ZC3H12B: variants seen among roughly 807,000 people sequenced by gnomAD.
ZC3H12B encodes the protein probable ribonuclease ZC3H12B.
A neutral mutation model predicts 43.9 loss-of-function variants in ZC3H12B; 7 were observed. The ratio of observed to expected loss-of-function variants is 0.16; its 90% CI spans 0.09 to 0.30. ZC3H12B has a LOEUF of 0.30. Among genes scored for constraint, ZC3H12B ranks in the 10% least tolerant of loss-of-function variants. The probability of loss-of-function intolerance (pLI) is 1.00; values close to 1 mark genes in which losing one functional copy is unlikely to be tolerated. For synonymous variants in ZC3H12B, 222 were observed against 241.7 expected (o/e 0.92, Z 0.76); for missense variants, 475 against 670.2 (o/e 0.71, Z 3.22).
chrX:65,098,434 A>T, the ZC3H12B span, among the ~76,000 whole-genome samples: 1 of 111,184 alleles, frequency 9.0e-6, no homozygotes. Flanking sequence ...AATTCCAAAG[A>T]ATACAAGAAC....
the ZC3H12B span, among the ~76,000 whole-genome samples, chrX:65,283,515 G>A: frequency 9.0e-6 from 1 of 111,470 alleles, no homozygotes; most frequent in Non-Finnish European, 1.9e-5. Context: ...AATAAATTAG[G>A]AAAAGAGGAA....
At chrX:65,315,556 C>T in the ZC3H12B span, among the ~76,000 whole-genome samples, 2 of 111,474 alleles carry the variant, frequency 1.8e-5, no homozygotes, top group African/African-American at 3.3e-5. Flanking sequence ...TGAGCTGAGC[C>T]TAGGCCCCGT....
chrX:65,213,511 G>A, the ZC3H12B span, among the ~76,000 whole-genome samples: 2 of 110,771 alleles, frequency 1.8e-5, no homozygotes, highest in Non-Finnish European at 3.8e-5. Context: ...AAATATTTGC[G>A]CTATACATGG....
rs994560374 is a variant in ZC3H12B, at chrX:65,448,623, C to G, written n.408-40023C>G. ...CCTGAGGTCAGGATTTTAAGCCCAG[C>G]CTGGCCAACATGGTGAAACCCCATC... On this transcript the variant is annotated intron_variant and non_coding_transcript_variant, in intron 3 of 5. Coordinates refer to the ZC3H12B transcript ENST00000617377. Among the ~76,000 whole-genome samples, 7 of 110,724 alleles carry G rather than the reference C, an allele frequency of 6.3e-5. No individual in the cohort carries two copies. In the East Asian group the frequency reaches 8.5e-4, roughly 13 times the overall value.
At chrX:65,227,761 G>A in the ZC3H12B span, among the ~76,000 whole-genome samples, 244 of 110,831 alleles carry the variant, frequency 2.2e-3, no homozygotes, top group South Asian at 0.014. Flanking sequence ...ACACCTCTAC[G>A]CAAATAAACT....
At chrX:65,053,597 A>C in the ZC3H12B span, among the ~76,000 whole-genome samples, 3 of 111,717 alleles carry the variant, frequency 2.7e-5, no homozygotes, top group Non-Finnish European at 3.8e-5. Context: ...TAGCAGCATG[A>C]TTTATACTCC....
chrX:65,144,167 C>T, the ZC3H12B span, among the ~76,000 whole-genome samples: 1 of 111,473 alleles, frequency 9.0e-6, no homozygotes, highest in South Asian at 3.7e-4. Flanking sequence ...ATTACAATTT[C>T]AATCTCACTG....
chrX:65,412,192 G>T (rs1042489476), intron 3 of ZC3H12B, among the ~76,000 whole-genome samples: 1 of 111,103 alleles, frequency 9.0e-6, no homozygotes, highest in Non-Finnish European at 1.9e-5. Flanking sequence ...ATGTTCTGTC[G>T]CTGTGTATTT....
chrX:65,322,152 G>A, the ZC3H12B span, among the ~76,000 whole-genome samples: 1 of 111,621 alleles, frequency 9.0e-6, no homozygotes, highest in African/African-American at 3.3e-5. Context: ...TGTCATGCAA[G>A]GATCACATGG....
the ZC3H12B span, among the ~76,000 whole-genome samples, chrX:65,118,044 G>C: frequency 9.0e-6 from 1 of 111,609 alleles, no homozygotes; most frequent in South Asian, 3.7e-4. Flanking sequence ...TGGCAATGTG[G>C]GCTCTTTTTT....
the ZC3H12B span, among the ~76,000 whole-genome samples, chrX:65,059,564 G>A: frequency 9.0e-6 from 1 of 110,896 alleles, no homozygotes; most frequent in African/African-American, 3.3e-5. Flanking sequence ...TCTCTATTCT[G>A]TTCCATTGGT....
the ZC3H12B span, among the ~76,000 whole-genome samples, chrX:65,232,109 C>A: frequency 9.1e-6 from 1 of 110,074 alleles, no homozygotes; most frequent in Non-Finnish European, 1.9e-5. Flanking sequence ...AGCATGGTGG[C>A]AGGTGCCTGT....
chrX:65,487,381 A>G (rs1017169416), upstream of ZC3H12B, among the ~76,000 whole-genome samples: 3 of 111,570 alleles, frequency 2.7e-5, no homozygotes, highest in Non-Finnish European at 3.8e-5. Context: ...TCTCTACTAA[A>G]AATACAGAAT....
chrX:65,320,847 G>T, the ZC3H12B span, among the ~76,000 whole-genome samples: 1 of 112,174 alleles, frequency 8.9e-6, no homozygotes, highest in Non-Finnish European at 1.9e-5. Flanking sequence ...TCAGCCAAAT[G>T]CAGAAAACTG....
chrX:65,266,092 A>G, the ZC3H12B span, among the ~76,000 whole-genome samples: 2 of 111,348 alleles, frequency 1.8e-5, no homozygotes, highest in Non-Finnish European at 3.8e-5. Flanking sequence ...ATAGAGAGAA[A>G]AAGCTCCAGA....
At chrX:65,377,466 C>G (rs1484461123) in intron 2 of ZC3H12B, among the ~76,000 whole-genome samples, 1 of 110,088 alleles carries the variant, frequency 9.1e-6, no homozygotes, top group Non-Finnish European at 1.9e-5. Context: ...CCCCAAGGCA[C>G]TTAATAATCA....
At chrX:65,103,269 G>T in the ZC3H12B span, among the ~76,000 whole-genome samples, 7 of 111,558 alleles carry the variant, frequency 6.3e-5, no homozygotes, top group South Asian at 7.5e-4. Context: ...CTGAGAAAAA[G>T]AATTCATCAA....
intron 3 of ZC3H12B, among the ~76,000 whole-genome samples, chrX:65,474,457 C>A (rs1336760324): frequency 9.0e-6 from 1 of 111,258 alleles, no homozygotes; most frequent in Non-Finnish European, 1.9e-5. Context: ...AGAAAAAAAT[C>A]TATTCAGCCA....
the ZC3H12B span, among the ~76,000 whole-genome samples, chrX:65,202,146 T>C: frequency 1.4e-5 from 1 of 70,429 alleles, no homozygotes; most frequent in Non-Finnish European, 2.1e-5. Flanking sequence ...TTATATAATA[T>C]GAAATATATA....
Sources: gnomAD v4.1 joint callset for allele counts (sites outside exome capture counted in the v4.1 genomes callset) on GRCh38, gnomAD v4.1.1 for gene constraint, MANE v1.5 for transcripts, NCBI Gene and HGNC (gene_info 2026-07-23, HGNC 2026-07-21) for gene names.